The following COL4A6 variants were observed in gnomAD, a reference collection of about 807,000 sequenced individuals.
COL4A6 encodes collagen type IV alpha 6 chain.
Under a neutral mutation model 126.7 loss-of-function variants are expected in COL4A6, and 59 were observed. The observed-to-expected ratio is 0.47, with a 90% CI of 0.38 to 0.58. The LOEUF (loss-of-function observed/expected upper bound fraction) is 0.58, where lower values mean the gene tolerates loss of function less well. Among genes scored for constraint, COL4A6 ranks in the 20% least tolerant of loss-of-function variants. The pLI, the probability that COL4A6 is intolerant of heterozygous loss-of-function variation, is 0.00. For missense variants in COL4A6, 1,285 were observed against 1,337.3 expected, an observed-to-expected ratio of 0.96 and a Z score of 0.61; for synonymous variants, 547 against 496.6, an observed-to-expected ratio of 1.10 and a Z score of -1.35.
At chrX:108,225,129 C>G (rs2036132255) in intron 3 of COL4A6, among the ~76,000 whole-genome samples, 1 of 111,644 alleles carries the variant, frequency 9.0e-6, no homozygotes, top group Admixed American at 9.5e-5. Flanking sequence ...TGGAACTAAA[C>G]AGACCACCTG....
chrX:108,184,433 G>T (rs187976032), intron 23 of COL4A6, among the ~76,000 whole-genome samples: 3 of 111,762 alleles, frequency 2.7e-5, no homozygotes, highest in Admixed American at 9.5e-5. Context: ...GAGGTAATTA[G>T]GTTGTTAGGA....
upstream of COL4A6, among the ~76,000 whole-genome samples, chrX:108,438,876 G>A (rs2064325273): frequency 8.9e-6 from 1 of 112,322 alleles, no homozygotes; most frequent in African/African-American, 3.2e-5. Flanking sequence ...ACTCTAAAGT[G>A]GTTAATTCTA....
chrX:108,221,502 C>A, intron 3 of COL4A6, 128 bp from the exon 4 acceptor site: 2 of 725,326 alleles, frequency 2.8e-6, no homozygotes, highest in East Asian at 3.4e-5. Context: ...CTGTGAGGCA[C>A]GCCAAAGTTC....
At chrX:108,259,332 T>C (rs2037094734) in intron 3 of COL4A6, among the ~76,000 whole-genome samples, 2 of 111,846 alleles carry the variant, frequency 1.8e-5, no homozygotes, top group South Asian at 7.5e-4. Context: ...TATTTGGATA[T>C]GACCACCCCA....
At chrX:108,219,948 C>T (rs1324494722) in intron 4 of COL4A6, among the ~76,000 whole-genome samples, 2 of 110,789 alleles carry the variant, frequency 1.8e-5, no homozygotes, top group Admixed American at 9.6e-5. Flanking sequence ...GTTCCGAAAC[C>T]AGCTCTTTTT....
At chrX:108,269,460 T>C (rs1310361510) in intron 3 of COL4A6, among the ~76,000 whole-genome samples, 1 of 111,640 alleles carries the variant, frequency 9.0e-6, no homozygotes, top group African/African-American at 3.3e-5. Context: ...TCAGAGATAC[T>C]AGCTCAAATC....
At chrX:108,409,657 T>C (rs1221180242) in intron 2 of COL4A6, among the ~76,000 whole-genome samples, 1 of 111,753 alleles carries the variant, frequency 8.9e-6, no homozygotes, top group Non-Finnish European at 1.9e-5. Flanking sequence ...ACCCTACAAG[T>C]CAGCTATGTA....
chrX:108,267,980 G>A (rs1049225359), intron 3 of COL4A6: 7 of 111,920 alleles, frequency 6.3e-5, no homozygotes, highest in East Asian at 2.8e-4. Flanking sequence ...TTGTAATAAC[G>A]AGTACAACTG....
chrX:108,202,077 C>G (rs1015281297), intron 13 of COL4A6, among the ~76,000 whole-genome samples: 5 of 111,261 alleles, frequency 4.5e-5, no homozygotes, highest in Non-Finnish European at 3.8e-5. Context: ...GTTCCCTCAG[C>G]CTTAAACCCT....
intron 2 of COL4A6, among the ~76,000 whole-genome samples, chrX:108,320,514 A>T (rs756499968): frequency 9.0e-6 from 1 of 111,504 alleles, no homozygotes; most frequent in East Asian, 2.8e-4. Context: ...AACTGAGCAC[A>T]GGCGGTGGGC....
intron 2 of COL4A6, among the ~76,000 whole-genome samples, chrX:108,367,668 T>A (rs1603173409): frequency 8.9e-6 from 1 of 112,157 alleles, no homozygotes; most frequent in East Asian, 2.8e-4. Flanking sequence ...TTCTATTGCA[T>A]AGGAAACAAA....
chrX:108,386,349 A>T (rs973836507), intron 2 of COL4A6, among the ~76,000 whole-genome samples: 3 of 111,950 alleles, frequency 2.7e-5, no homozygotes, highest in African/African-American at 9.7e-5. Context: ...GTGTAAAAGC[A>T]TTCCTAGTTC....
chrX:108,176,135 G>C (rs1336671166), intron 28 of COL4A6, among the ~76,000 whole-genome samples: 1 of 109,561 alleles, frequency 9.1e-6, no homozygotes, highest in Non-Finnish European at 1.9e-5. Context: ...GACCAGCCTG[G>C]CCAACATGGC....
intron 3 of COL4A6, among the ~76,000 whole-genome samples, chrX:108,234,597 T>A (rs2036391268): frequency 8.9e-6 from 1 of 111,957 alleles, no homozygotes; most frequent in Admixed American, 9.4e-5. Context: ...CAGAAATGAA[T>A]GCAACATGGG....
chrX:108,310,853 T>C (rs891395374), intron 2 of COL4A6, 25 bp from the exon 3 acceptor site: 12 of 1,133,234 alleles, frequency 1.1e-5, no homozygotes, highest in Admixed American at 2.2e-5. Context: ...AAAAAGTTAA[T>C]AAACCATGTG....
rs777826507 is a variant in COL4A6 at position 108,162,398 on chromosome X, A to G, written c.4216+494T>C. On this transcript the variant is annotated intron_variant, in intron 41 of 44. Transcript: ENST00000334504. ...AAGAAGAAGGAGGAGGAGGAAGAAG[A>G]AAAGAAGAAGAAGAAGAGGAAGAAG... Among the ~76,000 whole-genome samples, 3 of 107,333 alleles carry G rather than the reference A, an allele frequency of 2.8e-5. No individual in the cohort carries two copies. The Admixed American group carries it at 3.0e-4, about 11-fold the overall frequency. 93.2% of individuals were successfully genotyped at this position (107,333 alleles called of 115,157 possible).
intron 10 of COL4A6, 60 bp downstream of exon 10, chrX:108,205,600 T>C (rs987792457): frequency 9.6e-6 from 11 of 1,151,575 alleles, no homozygotes; most frequent in Non-Finnish European, 1.2e-5. Flanking sequence ...AGTATCTCTC[T>C]GGGAAATCCA....
chrX:108,240,922 G>A (rs2036555435), intron 3 of COL4A6, among the ~76,000 whole-genome samples: 1 of 111,339 alleles, frequency 9.0e-6, no homozygotes, highest in Admixed American at 9.6e-5. Flanking sequence ...AAATGGAGGG[G>A]GAAGTATCTC....
intron 3 of COL4A6, among the ~76,000 whole-genome samples, chrX:108,274,099 A>G (rs1048664492): frequency 1.7e-4 from 19 of 111,391 alleles, no homozygotes; most frequent in African/African-American, 6.2e-4. Context: ...CCTGAAATGT[A>G]GGTTTTATTA....
Sources: allele counts gnomAD v4.1 joint callset (sites outside exome capture counted in the v4.1 genomes callset), GRCh38; gene constraint gnomAD v4.1.1; transcripts MANE v1.5; gene names NCBI Gene and HGNC (gene_info 2026-07-23, HGNC 2026-07-21).